The following LRRC8B variants were observed in gnomAD, a reference collection of about 807,000 sequenced individuals.
The protein encoded by LRRC8B is volume-regulated anion channel subunit LRRC8B.
Under a neutral mutation model 58.8 loss-of-function variants are expected in LRRC8B, and 23 were observed. The observed-to-expected ratio is 0.39, with a 90% confidence interval of 0.28 to 0.55. The LOEUF is 0.55. Among genes scored for constraint, LRRC8B ranks in the 20% least tolerant of loss-of-function variants. LRRC8B has a pLI of 0.62. For missense variants in LRRC8B, 694 were observed against 936.0 expected, an observed-to-expected ratio of 0.74 and a Z score of 3.37; for synonymous variants, 359 against 374.1, an observed-to-expected ratio of 0.96 and a Z score of 0.47.
At chr1:89,529,340 C>T (rs1277972144) in intron 1 of LRRC8B, among the ~76,000 whole-genome samples, 1 of 152,142 alleles carries the variant, frequency 6.6e-6, no homozygotes, top group Non-Finnish European at 1.5e-5. Flanking sequence ...TGTACCTTGT[C>T]ATGGGAGGAG....
At chr1:89,553,312 G>A (rs1240426704) in intron 1 of LRRC8B, among the ~76,000 whole-genome samples, 4 of 152,198 alleles carry the variant, frequency 2.6e-5, no homozygotes, top group Non-Finnish European at 5.9e-5. Context: ...TAGAGTAATT[G>A]TAACTTGATT....
chr1:89,542,898 T>C (rs1252352852), intron 1 of LRRC8B, among the ~76,000 whole-genome samples: 1 of 152,232 alleles, frequency 6.6e-6, no homozygotes, highest in Non-Finnish European at 1.5e-5. Context: ...TTTTGTCTTA[T>C]GTACTGGGGG....
At chr1:89,534,514 T>TACACACACAC (rs71312000) in intron 1 of LRRC8B, among the ~76,000 whole-genome samples, 47 of 149,210 alleles carry the variant, frequency 3.1e-4, no homozygotes, top group African/African-American at 1.1e-3. Context: ...TTTTGTGACA[T>TACACACACAC]ACACACACAC....
chr1:89,529,392 A>G (rs542725907), intron 1 of LRRC8B, among the ~76,000 whole-genome samples: 55 of 152,310 alleles, frequency 3.6e-4, no homozygotes, highest in African/African-American at 1.3e-3. Context: ...TTATTACTCA[A>G]TGTCAGCATT....
chr1:89,569,986 C>T (rs1653330876), intron 3 of LRRC8B, among the ~76,000 whole-genome samples: 1 of 152,096 alleles, frequency 6.6e-6, no homozygotes, highest in Admixed American at 6.5e-5. Context: ...GTTTTCTGTT[C>T]CTGCATTAGT....
Position 89,592,901 on chromosome 1 carries a change from G to A in LRRC8B, c.2270G>A (p.Gly757Asp). Residue 757 changes from glycine to aspartate, a missense_variant, in exon 6 of 6, where the codon GGT (glycine) becomes GAT (aspartate). Coordinates refer to ENST00000330947, the MANE Select transcript of LRRC8B (RefSeq NM_001369817.2). ...AACCTTACTCATCTGGAGCTCATTG[G>A]TAATTACCTGGAAACACTTCCTCCT... ...LSNLTHLELI[G>D]NYLETLPPEL... 3 of 1,614,084 alleles carry A rather than the reference G, an allele frequency of 1.9e-6. No individual in the cohort carries two copies. The highest frequency in any genetic ancestry group is 2.5e-6 in the Non-Finnish European group (3 of 1,180,006).
chr1:89,574,904 G>T (rs542790414), intron 3 of LRRC8B, among the ~76,000 whole-genome samples: 1 of 152,182 alleles, frequency 6.6e-6, no homozygotes, highest in Non-Finnish European at 1.5e-5. Context: ...AAGACCCTTC[G>T]TTAAAACGTC....
At chr1:89,571,188 G>A (rs12411255) in intron 3 of LRRC8B, among the ~76,000 whole-genome samples, 57,051 of 152,016 alleles carry the variant, frequency 0.38, 12,911 homozygotes, top group South Asian at 0.55. Flanking sequence ...TGCCTTGGCT[G>A]TGCAGGTTCT....
At chr1:89,537,131 T>C (rs1650593341) in intron 1 of LRRC8B, among the ~76,000 whole-genome samples, 1 of 152,212 alleles carries the variant, frequency 6.6e-6, no homozygotes, top group African/African-American at 2.4e-5. Context: ...TATTGCTTTT[T>C]CTATTGAAAT....
chr1:89,525,705 T>C (rs1382399594), intron 1 of LRRC8B, among the ~76,000 whole-genome samples: 1 of 152,212 alleles, frequency 6.6e-6, no homozygotes, highest in African/African-American at 2.4e-5. Context: ...TTAATCTGTG[T>C]GCTCAACTGA....
intron 1 of LRRC8B, among the ~76,000 whole-genome samples, chr1:89,527,276 A>G (rs1649773748): frequency 6.6e-6 from 1 of 152,188 alleles, no homozygotes; most frequent in Admixed American, 6.5e-5. Flanking sequence ...TGTTTAACCC[A>G]ATCCCGGATT....
chr1:89,551,923 GATT>G (rs1235676691), intron 1 of LRRC8B, among the ~76,000 whole-genome samples: 1 of 152,152 alleles, frequency 6.6e-6, no homozygotes, highest in Non-Finnish European at 1.5e-5. Context: ...CACATGATTT[GATT>G]ATTATATATA....
intron 1 of LRRC8B, among the ~76,000 whole-genome samples, chr1:89,540,918 GA>G (rs1009086434): frequency 9.2e-5 from 14 of 152,186 alleles, no homozygotes; most frequent in Non-Finnish European, 1.5e-5. Context: ...TGTGATTACT[GA>G]CATTTTACTA....
rs1002151738 is a variant in LRRC8B at position 89,568,284 on chromosome 1, A to G, written c.-203A>G. ...CTCTTCTGTGAGAAGTCAGAAGGTG[A>G]TCTCTTTAATGCTTTCTTTTTAAGT... On this transcript the variant is annotated 5_prime_UTR_variant, in exon 2 of 6. Coordinates refer to ENST00000330947, the MANE Select transcript of LRRC8B (RefSeq NM_001369817.2). The G allele has an allele frequency of 2.6e-5, 4 of 152,116 alleles. No individual in the cohort carries two copies. The highest frequency in any genetic ancestry group is 5.9e-5 in the Non-Finnish European group (4 of 67,968). The allele number at this position is 152,116 out of a possible 1,614,324, so 9.4% of individuals were successfully genotyped here. A position where few individuals can be genotyped will look rare whatever the true frequency, so the allele number is the denominator to read the frequency against.
chr1:89,592,909 C>A lies in LRRC8B; in HGVS notation c.2278C>A (p.Leu760Met), dbSNP rs148429579. Residue 760 changes from leucine (L) to methionine (M), a missense_variant, in exon 6 of 6, where the codon CTG becomes ATG. Leu to Met is a conservative substitution (Grantham distance 15). This residue lies in a region of LRRC8B where 139 missense variants were observed against 158.2 expected (regional missense o/e 0.88). Transcript: ENST00000330947. Reference sequence around the variant, plus strand: ...TCATCTGGAGCTCATTGGTAATTACCTGGAAACACTTCCTCCTGAACTAGA... The same window carrying A: ...TCATCTGGAGCTCATTGGTAATTACATGGAAACACTTCCTCCTGAACTAGA... The part of the protein sequence containing the change: ...LTHLELIGNY[L>M]ETLPPELEGC... 63 of 1,614,120 alleles carry A rather than the reference C, an allele frequency of 3.9e-5. No homozygotes were observed. Among genetic ancestry groups the A allele is most frequent in the Non-Finnish European group, 5.1e-5 (60 of 1,180,018 alleles).
chr1:89,547,570 G>A, intron 1 of LRRC8B, among the ~76,000 whole-genome samples: 1 of 152,226 alleles, frequency 6.6e-6, no homozygotes, highest in East Asian at 1.9e-4. Flanking sequence ...TAGCAATCCA[G>A]TCTGGCACCT....
In LRRC8B at chr1:89,548,722, G is replaced by A. The variant is rs77804535; in HGVS notation, c.-240-19525G>A. ...CCAGAAGTCAGAAGAGTGTGTGTAGGAGAAAGATCATTATAACTTCTCCTC... is the reference window on the plus strand; with the variant it reads ...CCAGAAGTCAGAAGAGTGTGTGTAGAAGAAAGATCATTATAACTTCTCCTC... On this transcript the variant is annotated intron_variant, in intron 1 of 5. Coordinates refer to ENST00000330947, the MANE Select transcript of LRRC8B (RefSeq NM_001369817.2). Among the ~76,000 whole-genome samples, 1,388 of 152,216 alleles carry A rather than the reference G, an allele frequency of 9.1e-3. 8 individuals carry two copies. Among genetic ancestry groups the A allele is most frequent in the Non-Finnish European group, 0.016 (1,069 of 67,978 alleles).
At chr1:89,543,761 G>A (rs113651851) in intron 1 of LRRC8B, among the ~76,000 whole-genome samples, 35 of 151,728 alleles carry the variant, frequency 2.3e-4, no homozygotes, top group African/African-American at 8.2e-4. Context: ...CTCCCAAAGT[G>A]CTGGGATTAC....
chr1:89,535,505 G>A (rs921782478), intron 1 of LRRC8B, among the ~76,000 whole-genome samples: 3 of 152,142 alleles, frequency 2.0e-5, no homozygotes, highest in African/African-American at 7.2e-5. Context: ...GACAAGCAGC[G>A]AAGAGCAAGA....
Sources: gnomAD v4.1 joint callset for allele counts (sites outside exome capture counted in the v4.1 genomes callset) on GRCh38, gnomAD v4.1.1 for gene constraint, gnomAD v4.1.1 regional missense constraint, MANE v1.5 for transcripts, NCBI Gene and HGNC (gene_info 2026-07-23, HGNC 2026-07-21) for gene names.